The following BMPR1B variants were observed in gnomAD, a reference collection of about 807,000 sequenced individuals.
The protein encoded by BMPR1B is bone morphogenetic protein receptor type-1B.
A neutral mutation model predicts 59.1 loss-of-function variants in BMPR1B; 12 were observed. That is an observed-to-expected ratio of 0.20 (90% CI 0.13 to 0.33). The LOEUF (loss-of-function observed/expected upper bound fraction) is 0.33, where lower values mean the gene tolerates loss of function less well. BMPR1B is among the 10% of genes least tolerant of loss of function. BMPR1B has a pLI of 1.00. For missense variants in BMPR1B, 550 were observed against 610.9 expected (o/e 0.90, Z 1.05); for synonymous variants, 237 against 207.3 (o/e 1.14, Z -1.23).
intron 3 of BMPR1B, among the ~76,000 whole-genome samples, chr4:95,098,984 G>A (rs969166876): frequency 6.6e-6 from 1 of 152,120 alleles, no homozygotes; most frequent in Non-Finnish European, 1.5e-5. Flanking sequence ...CCAAAGCGCT[G>A]GGATTACAGG....
At chr4:95,043,336 G>C (rs571885489) in intron 3 of BMPR1B, among the ~76,000 whole-genome samples, 3 of 152,120 alleles carry the variant, frequency 2.0e-5, no homozygotes, top group African/African-American at 7.2e-5. Context: ...CAAGAATCAT[G>C]CATATATAGA....
Position 95,104,480 on chromosome 4 carries a change from A to G in BMPR1B, c.56A>G (p.Glu19Gly). The G allele has an allele frequency of 6.2e-7, 1 of 1,613,538 alleles. No homozygotes were observed. Among genetic ancestry groups the G allele is most frequent in the Non-Finnish European group, 8.5e-7 (1 of 1,179,656 alleles). The change falls in exon 4 of 13, where the codon GAG becomes GGG. Residue 19 changes from glutamate (E) to glycine (G), a missense_variant. Physicochemically the swap from Glu to Gly is moderately conservative, Grantham distance 98. This residue lies in a region of BMPR1B where 43 missense variants were observed against 35.4 expected (regional missense o/e 1.22). Coordinates refer to ENST00000515059, the MANE Select transcript of BMPR1B (RefSeq NM_001203.3). Reference sequence around the variant, plus strand: ...GTGGGCACCAAGAAAGAGGATGGTGAGAGTACAGCCCCCACCCCCCGTCCA... The same window carrying G: ...GTGGGCACCAAGAAAGAGGATGGTGGGAGTACAGCCCCCACCCCCCGTCCA... ...LNVGTKKEDG[E>G]STAPTPRPKV...
intron 2 of BMPR1B, among the ~76,000 whole-genome samples, chr4:94,879,150 A>C (rs1449337964): frequency 6.6e-6 from 1 of 152,092 alleles, no homozygotes; most frequent in Non-Finnish European, 1.5e-5. Context: ...ATTTCTTCTC[A>C]TTTCCAGATG....
intron 2 of BMPR1B, among the ~76,000 whole-genome samples, chr4:94,978,978 A>G (rs1007902056): frequency 1.3e-5 from 2 of 148,892 alleles, no homozygotes; most frequent in Non-Finnish European, 3.0e-5. Context: ...ACACACACAC[A>G]CGAAAGGTAA....
chr4:94,818,918 G>A (rs1310391883), intron 1 of BMPR1B, among the ~76,000 whole-genome samples: 2 of 152,068 alleles, frequency 1.3e-5, no homozygotes, highest in Non-Finnish European at 2.9e-5. Flanking sequence ...GATTGCTTGA[G>A]TCTAGGAGTC....
intron 1 of BMPR1B, among the ~76,000 whole-genome samples, chr4:94,811,134 G>T (rs1460490252): frequency 6.6e-6 from 1 of 152,178 alleles, no homozygotes; most frequent in African/African-American, 2.4e-5. Flanking sequence ...CTCAAAATGT[G>T]TAGTGCTCAA....
At chr4:95,061,297 T>C (rs1198246120) in intron 3 of BMPR1B, among the ~76,000 whole-genome samples, 4 of 152,008 alleles carry the variant, frequency 2.6e-5, no homozygotes, top group Non-Finnish European at 5.9e-5. Flanking sequence ...TTCCAAATGC[T>C]TGGGATTGCC....
chr4:94,842,662 C>T (rs1725136945), intron 1 of BMPR1B, among the ~76,000 whole-genome samples: 1 of 152,098 alleles, frequency 6.6e-6, no homozygotes. Context: ...TATTTTTTAA[C>T]ATGCTTTGTA....
chr4:94,906,028 G>A (rs962147186), intron 2 of BMPR1B, among the ~76,000 whole-genome samples: 3 of 151,364 alleles, frequency 2.0e-5, no homozygotes, highest in African/African-American at 2.4e-5. Flanking sequence ...TTTTAAAGAA[G>A]TATTTCTAAG....
intron 1 of BMPR1B, among the ~76,000 whole-genome samples, chr4:94,781,849 T>C (rs1722602302): frequency 1.3e-5 from 2 of 152,248 alleles, no homozygotes; most frequent in Admixed American, 1.3e-4. Context: ...TCCATTTTTT[T>C]CTGTGTTACC....
chr4:94,844,256 T>TGA (rs1017359105), intron 1 of BMPR1B, among the ~76,000 whole-genome samples: 2 of 117,098 alleles, frequency 1.7e-5, no homozygotes, highest in Non-Finnish European at 1.7e-5. Context: ...TGTGTGTGTG[T>TGA]GAATCTTCTA....
intron 3 of BMPR1B, among the ~76,000 whole-genome samples, chr4:95,037,918 T>C (rs1274386060): frequency 6.6e-6 from 1 of 152,158 alleles, no homozygotes; most frequent in Non-Finnish European, 1.5e-5. Flanking sequence ...CTGAGGGTTT[T>C]GTACTCAAGT....
At chr4:95,079,661 A>G (rs757210697) in intron 3 of BMPR1B, among the ~76,000 whole-genome samples, 15 of 152,156 alleles carry the variant, frequency 9.9e-5, no homozygotes, top group Non-Finnish European at 2.1e-4. Context: ...CCTAAGTTCA[A>G]ATCAAGACAT....
intron 1 of BMPR1B, among the ~76,000 whole-genome samples, chr4:94,764,297 T>C (rs1721882925): frequency 6.6e-6 from 1 of 152,094 alleles, no homozygotes; most frequent in Non-Finnish European, 1.5e-5. Context: ...GGAGTGAGGG[T>C]ATTTATTTCC....
At chr4:95,133,769 C>A (rs771625360) in intron 10 of BMPR1B, among the ~76,000 whole-genome samples, 12 of 150,936 alleles carry the variant, frequency 8.0e-5, no homozygotes, top group Non-Finnish European at 1.8e-4. Flanking sequence ...TGGGATCTCA[C>A]TATGTTGCCA....
At chr4:95,101,885 T>C (rs183720224) in intron 3 of BMPR1B, among the ~76,000 whole-genome samples, 82 of 152,244 alleles carry the variant, frequency 5.4e-4, no homozygotes, top group African/African-American at 1.7e-3. Context: ...TTCAGGCTTT[T>C]ATTTTAGTGT....
At chr4:95,011,805 G>A (rs1012808393) in intron 3 of BMPR1B, among the ~76,000 whole-genome samples, 1 of 152,054 alleles carries the variant, frequency 6.6e-6, no homozygotes, top group African/African-American at 2.4e-5. Flanking sequence ...GATCATCTGA[G>A]GTTGGGAGTT....
At chr4:94,910,289 G>C (rs1402714257) in intron 2 of BMPR1B, among the ~76,000 whole-genome samples, 2 of 151,958 alleles carry the variant, frequency 1.3e-5, no homozygotes, top group Admixed American at 1.3e-4. Flanking sequence ...AGAAGTATTT[G>C]GCTTTAAAGT....
chr4:94,783,102 T>G (rs766932480), intron 1 of BMPR1B, among the ~76,000 whole-genome samples: 5 of 152,138 alleles, frequency 3.3e-5, no homozygotes, highest in African/African-American at 4.8e-5. Flanking sequence ...GACGGTCTCT[T>G]TCCCTTATAT....
Sources: gnomAD v4.1 joint callset for allele counts (sites outside exome capture counted in the v4.1 genomes callset) on GRCh38, gnomAD v4.1.1 for gene constraint, gnomAD v4.1.1 regional missense constraint, MANE v1.5 for transcripts, NCBI Gene and HGNC (gene_info 2026-07-23, HGNC 2026-07-21) for gene names.